PACRG: variants seen among roughly 807,000 people sequenced by gnomAD.
PACRG encodes parkin coregulated gene protein.
A neutral mutation model predicts 29.7 loss-of-function variants in PACRG; 29 were observed. The ratio of observed to expected loss-of-function variants is 0.98; its 90% CI spans 0.73 to 1.33. The LOEUF is 1.33. Among genes scored for constraint, PACRG ranks in the 40% most tolerant of loss-of-function variants. The pLI is 0.00. For missense variants in PACRG, 279 were observed against 316.2 expected (o/e 0.88, Z 0.89); for synonymous variants, 116 against 118.7 (o/e 0.98, Z 0.15).
At chr6:162,775,888 G>A (rs928390415) in intron 1 of PACRG, among the ~76,000 whole-genome samples, 1 of 152,124 alleles carries the variant, frequency 6.6e-6, no homozygotes, top group Non-Finnish European at 1.5e-5. Context: ...AGAAGTTATA[G>A]GGCTTATATA....
At chr6:163,280,017 G>A (rs937423986) in intron 4 of PACRG, among the ~76,000 whole-genome samples, 3 of 152,172 alleles carry the variant, frequency 2.0e-5, no homozygotes, top group Non-Finnish European at 2.9e-5. Flanking sequence ...GCTTCTGAGT[G>A]AGCCCTCCCT....
intron 2 of PACRG, among the ~76,000 whole-genome samples, chr6:162,854,279 T>C (rs1029399311): frequency 4.6e-5 from 7 of 152,036 alleles, no homozygotes; most frequent in African/African-American, 1.7e-4. Flanking sequence ...TTAAATTTTG[T>C]CAAAGCACAC....
chr6:162,878,171 G>A (rs935927098), intron 2 of PACRG, among the ~76,000 whole-genome samples: 1 of 152,180 alleles, frequency 6.6e-6, no homozygotes, highest in African/African-American at 2.4e-5. Flanking sequence ...GCAAGTGTAA[G>A]TGTGAGATGC....
intron 2 of PACRG, among the ~76,000 whole-genome samples, chr6:163,028,690 T>C (rs1323262868): frequency 1.3e-5 from 2 of 152,218 alleles, no homozygotes; most frequent in Non-Finnish European, 2.9e-5. Flanking sequence ...AAGACATTGG[T>C]AGTGCTTTAC....
At chr6:163,161,100 A>G (rs1778537393) in intron 4 of PACRG, among the ~76,000 whole-genome samples, 1 of 152,030 alleles carries the variant, frequency 6.6e-6, no homozygotes, top group African/African-American at 2.4e-5. Context: ...CTTGACATCC[A>G]TCTTCCGGGT....
chr6:162,728,540 C>G, intron 1 of PACRG, 149 bp downstream of exon 1: 1 of 911,624 alleles, frequency 1.1e-6, no homozygotes, highest in South Asian at 1.7e-5. Flanking sequence ...GCAAACGGTG[C>G]CCCACAGTGT....
chr6:163,089,407 T>C lies in PACRG; in HGVS notation c.612T>C (p.Asn204=), dbSNP rs1296476666. The change falls in exon 4 of 5, where the codon AAT becomes AAC. Residue 204 remains asparagine (N), a splice_region_variant and synonymous_variant. Transcript: ENST00000366888. ...TCCTGAACATCTTTAAGAATATGAA[T>C]GGTGAGTGAGCCCACGAGTCAAAAT... is the stretch of plus-strand genomic sequence containing the variant. ...LPVLNIFKNM[N]VNSGDGIDYS... The C allele has an allele frequency of 1.2e-6, 2 of 1,612,968 alleles. No homozygotes were observed. Among genetic ancestry groups the C allele is most frequent in the African/African-American group, 2.7e-5 (2 of 74,864 alleles).
chr6:162,958,744 G>C, intron 2 of PACRG, among the ~76,000 whole-genome samples: 1 of 149,474 alleles, frequency 6.7e-6, no homozygotes, highest in Non-Finnish European at 1.5e-5. Flanking sequence ...GCGTGTGTGT[G>C]TGTGTGTGTG....
At chr6:163,197,742 C>T (rs369802431) in intron 4 of PACRG, among the ~76,000 whole-genome samples, 2 of 152,106 alleles carry the variant, frequency 1.3e-5, no homozygotes, top group East Asian at 3.8e-4. Flanking sequence ...AGCCACTGAG[C>T]CCGCCGGCTA....
intron 4 of PACRG, chr6:163,183,645 A>G (rs1204439716): frequency 6.6e-6 from 1 of 152,198 alleles, no homozygotes. Context: ...ACCTACAGAG[A>G]TGTATGTGTG....
At chr6:162,727,688 G>A (rs1392354351), upstream of PACRG, 4 of 1,572,020 alleles carry the variant, frequency 2.5e-6, no homozygotes, top group South Asian at 1.2e-5. Flanking sequence ...GTAGGTGGCG[G>A]CTGCGGGCCA....
intron 4 of PACRG, among the ~76,000 whole-genome samples, chr6:163,277,101 T>C (rs1784055164): frequency 6.6e-6 from 1 of 152,018 alleles, no homozygotes; most frequent in Non-Finnish European, 1.5e-5. Flanking sequence ...TTATTTAATG[T>C]TTTACAATTT....
chr6:163,167,061 G>A (rs1269037470), intron 4 of PACRG, among the ~76,000 whole-genome samples: 4 of 152,186 alleles, frequency 2.6e-5, no homozygotes, highest in Non-Finnish European at 5.9e-5. Context: ...TGACAACTTG[G>A]ATGATGATGC....
chr6:162,831,566 G>A (rs1788774555), intron 2 of PACRG, among the ~76,000 whole-genome samples: 2 of 152,244 alleles, frequency 1.3e-5, no homozygotes, highest in African/African-American at 4.8e-5. Context: ...GTAAATGTGT[G>A]CCATGGTGGT....
intron 4 of PACRG, among the ~76,000 whole-genome samples, chr6:163,285,149 G>T (rs1295140506): frequency 6.6e-6 from 1 of 151,908 alleles, no homozygotes; most frequent in Non-Finnish European, 1.5e-5. Context: ...CCTGACTCCT[G>T]CCTGCTTGTC....
chr6:163,053,656 C>T (rs1367746857), intron 2 of PACRG, among the ~76,000 whole-genome samples: 1 of 152,132 alleles, frequency 6.6e-6, no homozygotes, highest in Non-Finnish European at 1.5e-5. Flanking sequence ...ATAATCACTG[C>T]AATGCTAATA....
intron 2 of PACRG, among the ~76,000 whole-genome samples, chr6:162,847,461 C>T (rs745521036): frequency 9.3e-5 from 14 of 150,784 alleles, no homozygotes; most frequent in Non-Finnish European, 1.6e-4. Flanking sequence ...TTGTAATACT[C>T]GATACTTTGC....
At chr6:163,040,529 C>A (rs944347696) in intron 2 of PACRG, among the ~76,000 whole-genome samples, 12 of 152,208 alleles carry the variant, frequency 7.9e-5, no homozygotes, top group Admixed American at 7.2e-4. Context: ...AAAGCCACAG[C>A]CATTCAAGGC....
At position 163,286,696 on chromosome 6, in the gene PACRG, T is replaced by C. The variant is rs191477682; in HGVS notation, c.614-28131T>C. 2.5e-4 allele frequency among the ~76,000 whole-genome samples: 38 copies of C among 152,318 alleles called. No homozygotes were observed. In the East Asian group the frequency reaches 6.4e-3, roughly 26 times the overall value. ...GGTCATCTGGAAAGAAACAGGCTCC[T>C]TACTGAGTTCCATATCGTCCCTTCC... is the stretch of plus-strand genomic sequence containing the variant. On this transcript the variant is annotated intron_variant, in intron 4 of 4. Transcript: ENST00000366888.
Sources: allele counts gnomAD v4.1 joint callset (sites outside exome capture counted in the v4.1 genomes callset), GRCh38; gene constraint gnomAD v4.1.1; transcripts MANE v1.5; gene names NCBI Gene and HGNC (gene_info 2026-07-23, HGNC 2026-07-21).